CACNA1B: variants seen among roughly 807,000 people sequenced by gnomAD.
CACNA1B encodes voltage-dependent N-type calcium channel subunit alpha-1B.
A neutral mutation model predicts 247.2 loss-of-function variants in CACNA1B; 70 were observed. The observed-to-expected ratio is 0.28, with a 90% confidence interval of 0.23 to 0.35. CACNA1B has a LOEUF of 0.35. Among genes scored for constraint, CACNA1B ranks in the 10% least tolerant of loss-of-function variants. CACNA1B has a pLI of 1.00. For synonymous variants in CACNA1B, 1,231 were observed against 1,294.4 expected, an observed-to-expected ratio of 0.95 and a Z score of 1.05; for missense variants, 2,367 against 3,197.4, an observed-to-expected ratio of 0.74 and a Z score of 6.26.
Position 138,047,404 on chromosome 9 carries a change from G to A in CACNA1B, c.3549G>A (p.Leu1183=). 6.2e-7 allele frequency: 1 copy of A among 1,610,496 alleles called. No homozygotes were observed. The highest frequency in any genetic ancestry group is 8.5e-7 in the Non-Finnish European group (1 of 1,176,664). The change falls in exon 23 of 47, where the codon CTG becomes CTA. Residue 1183 remains leucine, a synonymous_variant. Transcript: ENST00000371372. ...VRTDSPRNNA[L]KYLDYIFTGV... Reference sequence around the variant, plus strand: ...AACCTTCCTTTTGGTTTCAGGCTCTGAAATACCTGGATTACATTTTCACTG... The same window carrying A: ...AACCTTCCTTTTGGTTTCAGGCTCTAAAATACCTGGATTACATTTTCACTG...
intron 36 of CACNA1B, among the ~76,000 whole-genome samples, chr9:138,091,227 G>A (rs897800047): frequency 4.6e-5 from 7 of 152,132 alleles, no homozygotes; most frequent in Middle Eastern, 3.2e-3. Flanking sequence ...AAATTCTGCC[G>A]CTTGTGGCAA....
intron 3 of CACNA1B, among the ~76,000 whole-genome samples, chr9:137,897,676 C>T (rs910634667): frequency 2.0e-5 from 3 of 152,174 alleles, no homozygotes; most frequent in Middle Eastern, 6.8e-3. Context: ...TAATTCAATT[C>T]CGTGTATTTT....
intron 6 of CACNA1B, among the ~76,000 whole-genome samples, chr9:137,927,536 A>T (rs963654511): frequency 6.6e-6 from 1 of 152,206 alleles, no homozygotes; most frequent in African/African-American, 2.4e-5. Flanking sequence ...GTCAAAAATC[A>T]TTTGGCCATA....
chr9:138,003,522 A>G (rs963598569), intron 15 of CACNA1B, among the ~76,000 whole-genome samples: 1 of 152,136 alleles, frequency 6.6e-6, no homozygotes, highest in Non-Finnish European at 1.5e-5. Flanking sequence ...AACATAAAGG[A>G]ATAGACTGAT....
At chr9:138,053,225 G>T (rs1344673877) in intron 25 of CACNA1B, among the ~76,000 whole-genome samples, 1 of 152,226 alleles carries the variant, frequency 6.6e-6, no homozygotes, top group Non-Finnish European at 1.5e-5. Flanking sequence ...GCTGGGTCTG[G>T]ACTCTTGGTC....
At chr9:137,903,363 C>T (rs902242119) in intron 3 of CACNA1B, among the ~76,000 whole-genome samples, 8 of 152,102 alleles carry the variant, frequency 5.3e-5, no homozygotes, top group African/African-American at 1.4e-4. Flanking sequence ...TCCAGCCTGG[C>T]GAGAGAGCGA....
In CACNA1B at chr9:137,936,127, G is replaced by T. The variant is rs1344947407; in HGVS notation, c.967-16147G>T. On this transcript the variant is annotated intron_variant, in intron 6 of 46. Transcript: ENST00000371372. ...CCGCCTCGGCCTCCCAAAGTGCTGG[G>T]ATTACAGGCGTGAGCCACTGCGCCC... Among the ~76,000 whole-genome samples, 4 of 152,188 alleles carry T rather than the reference G, an allele frequency of 2.6e-5. No homozygotes were observed. In the East Asian group the frequency reaches 7.7e-4, roughly 29 times the overall value.
Position 137,882,869 on chromosome 9 carries a change from G to A in CACNA1B, c.516G>A (p.Val172=). The A allele has an allele frequency of 6.2e-7, 1 of 1,613,856 alleles. No homozygotes were observed. Among genetic ancestry groups the A allele is most frequent in the Non-Finnish European group, 8.5e-7 (1 of 1,179,826 alleles). Residue 172 remains valine (V), a synonymous_variant, in exon 3 of 47, where the codon GTG becomes GTA. Transcript: ENST00000371372. This position sits in a 1 kb window ranked among gnomAD's most constrained non-coding sequence, Gnocchi z 4.0. Reference sequence around the variant, plus strand: ...ACGGCTGGAACGTCATGGACTTCGTGGTCGTCCTCACAGGGTAGGCAAGCT... The same window carrying A: ...ACGGCTGGAACGTCATGGACTTCGTAGTCGTCCTCACAGGGTAGGCAAGCT... ...LRNGWNVMDF[V]VVLTGILATA... is the part of the protein sequence containing the mutation.
rs1373834536 is a variant in CACNA1B, at chr9:138,023,358, C to T, written c.2615C>T (p.Pro872Leu). Residue 872 changes from proline (P) to leucine (L), a missense_variant, in exon 19 of 47, where the codon CCG becomes CTG. This residue lies in a region of CACNA1B where 631 missense variants were observed against 631.1 expected (regional missense o/e 1.00). Transcript: ENST00000371372. ...AAGDQDRAEAPKAESGEPGAR... is the reference protein window; with the variant it reads ...AAGDQDRAEALKAESGEPGAR... ...GGGGACCAGGACCGAGCAGAGGCCC[C>T]GAAGGCGGAGAGCGGGGAGCCCGGT... The T allele has an allele frequency of 3.5e-6, 5 of 1,423,666 alleles. No individual in the cohort carries two copies. Among genetic ancestry groups the T allele is most frequent in the African/African-American group, 1.5e-5 (1 of 66,502 alleles). 88.2% of individuals were successfully genotyped at this position (1,423,666 alleles called of 1,614,324 possible).
chr9:138,023,388 G>C lies in CACNA1B; in HGVS notation c.2645G>C (p.Arg882Pro), dbSNP rs765928965. The C allele has an allele frequency of 1.5e-6, 2 of 1,368,344 alleles. No individual in the cohort carries two copies. Among genetic ancestry groups the C allele is most frequent in the East Asian group, 3.1e-5 (1 of 32,408 alleles). The allele number at this position is 1,368,344 out of a possible 1,614,324, so 84.8% of individuals were successfully genotyped here. ...GCGGAGAGCGGGGAGCCCGGTGCCC[G>C]GGAGGAGCGGCCGCGGCCGCACCGC... ...PKAESGEPGA[R>P]EERPRPHRSH... The change falls in exon 19 of 47, where the codon CGG becomes CCG. Residue 882 changes from arginine to proline, a missense_variant. Around this residue, in one of 12 missense-constraint regions of CACNA1B, gnomAD observed 631 missense variants for 631.1 expected, o/e 1.00. Coordinates refer to ENST00000371372, the MANE Select transcript of CACNA1B (RefSeq NM_000718.4).
At chr9:138,104,222 C>T (rs1187260647) in intron 38 of CACNA1B, among the ~76,000 whole-genome samples, 1 of 152,242 alleles carries the variant, frequency 6.6e-6, no homozygotes, top group East Asian at 1.9e-4. Flanking sequence ...TTTGTTTGCC[C>T]TGGCCTTGCC....
chr9:138,047,680 T>A (rs564202247), intron 23 of CACNA1B, among the ~76,000 whole-genome samples: 2 of 152,356 alleles, frequency 1.3e-5, no homozygotes, highest in African/African-American at 4.8e-5. Flanking sequence ...TGCTCCCCAG[T>A]GTCGTGCCTG....
In CACNA1B at chr9:137,914,535, C is replaced by T. The variant is rs1957390727; in HGVS notation, c.623-119C>T. On this transcript the variant is annotated intron_variant, in intron 4 of 46. Coordinates refer to ENST00000371372, the MANE Select transcript of CACNA1B (RefSeq NM_000718.4). The surrounding 1 kb of genome is among the most constrained non-coding windows in gnomAD (Gnocchi z 4.3). ...GCTCTATCCTTTGCCCTTGCAAGCA[C>T]TCACTGCTTAGCACCTTGCTGTCCC... is the stretch of plus-strand genomic sequence containing the variant. The T allele has an allele frequency of 3.8e-6, 3 of 793,280 alleles. No homozygotes were observed. In the East Asian group the frequency reaches 7.9e-5, roughly 21 times the overall value. The allele number at this position is 793,280 out of a possible 1,614,324, so 49.1% of individuals were successfully genotyped here.
chr9:138,058,444 T>C lies in CACNA1B; in HGVS notation c.4309-125T>C. On this transcript the variant is annotated intron_variant, in intron 28 of 46. Transcript: ENST00000371372. This position sits in a 1 kb window ranked among gnomAD's most constrained non-coding sequence, Gnocchi z 4.7. ...AGGCCTGCTTGGAGAAGGTCTGGGC[T>C]GCTTCAATTTGTCTTCTGTTGTCAG... The C allele has an allele frequency of 5.1e-6, 5 of 974,126 alleles. No individual in the cohort carries two copies. The highest frequency in any genetic ancestry group is 7.6e-6 in the Non-Finnish European group (5 of 654,502). 60.3% of individuals were successfully genotyped at this position (974,126 alleles called of 1,614,324 possible). A position where few individuals can be genotyped will look rare whatever the true frequency, so the allele number is the denominator to read the frequency against.
At chr9:138,098,650 C>T (rs1378646398) in intron 37 of CACNA1B, among the ~76,000 whole-genome samples, 1 of 152,138 alleles carries the variant, frequency 6.6e-6, no homozygotes, top group Non-Finnish European at 1.5e-5. Context: ...GCTTGGTTAC[C>T]ATGCACAGTG....
chr9:138,075,953 CG>C, intron 35 of CACNA1B, 43 bp downstream of exon 35: 1 of 1,299,174 alleles, frequency 7.7e-7, no homozygotes, highest in Non-Finnish European at 1.1e-6. Flanking sequence ...GCTCTTCCGT[CG>C]GGGGCTGCTT....
chr9:138,035,140 C>T (rs1249439758), intron 20 of CACNA1B, among the ~76,000 whole-genome samples: 1 of 152,208 alleles, frequency 6.6e-6, no homozygotes, highest in Non-Finnish European at 1.5e-5. Context: ...GTAGGCATTT[C>T]ATTATCTTAT....
chr9:138,007,928 C>G lies in CACNA1B; in HGVS notation c.2092+1044C>G, dbSNP rs901447475. ...TTGCAGACTTCACCTTCTTTCCTGT[C>G]TCCATCTCCCTGGCTCCTCATTCCT... On this transcript the variant is annotated intron_variant, in intron 16 of 46. Coordinates refer to ENST00000371372, the MANE Select transcript of CACNA1B (RefSeq NM_000718.4). This position sits in a 1 kb window ranked among gnomAD's most constrained non-coding sequence, Gnocchi z 4.1. 1.1e-4 allele frequency among the ~76,000 whole-genome samples: 17 copies of G among 152,242 alleles called. No individual in the cohort carries two copies. Among genetic ancestry groups the G allele is most frequent in the Admixed American group, 2.0e-4 (3 of 15,294 alleles).
chr9:138,108,308 C>CAAAAAA (rs935431476), intron 39 of CACNA1B, among the ~76,000 whole-genome samples: 63 of 43,648 alleles, frequency 1.4e-3, no homozygotes, highest in Non-Finnish European at 2.0e-3. Context: ...AACCCCATCT[C>CAAAAAA]AAAAAAAAAA....
Sources: gnomAD v4.1 joint callset for allele counts (sites outside exome capture counted in the v4.1 genomes callset) on GRCh38, gnomAD v4.1.1 for gene constraint, gnomAD v4.1.1 regional missense constraint, Gnocchi (gnomAD v3.1) non-coding constraint, MANE v1.5 for transcripts, NCBI Gene and HGNC (gene_info 2026-07-23, HGNC 2026-07-21) for gene names.